Variants in RPS6KA3 observed in about 807,000 individuals in gnomAD.
RPS6KA3 encodes ribosomal protein S6 kinase alpha-3.
RPS6KA3 carries 4 observed loss-of-function variants against 67.2 expected under a neutral mutation model. The observed-to-expected ratio is 0.06, with a 90% CI of 0.03 to 0.14. RPS6KA3 has a LOEUF of 0.14. Ranked by LOEUF, RPS6KA3 falls within the 10% of genes least tolerant of loss-of-function variation. The probability of loss-of-function intolerance (pLI) is 1.00; values close to 1 mark genes in which losing one functional copy is unlikely to be tolerated. For synonymous variants in RPS6KA3, 182 were observed against 183.7 expected, an observed-to-expected ratio of 0.99 and a Z score of 0.07; for missense variants, 204 against 559.0, an observed-to-expected ratio of 0.36 and a Z score of 6.40.
intron 14 of RPS6KA3, among the ~76,000 whole-genome samples, chrX:20,173,453 C>T (rs1259050110): frequency 8.9e-6 from 1 of 111,852 alleles, no homozygotes; most frequent in Non-Finnish European, 1.9e-5. Context: ...GAAGTCATAG[C>T]CTTACACAAC....
chrX:20,247,284 G>C (rs2069716681), intron 1 of RPS6KA3, among the ~76,000 whole-genome samples: 1 of 110,397 alleles, frequency 9.1e-6, no homozygotes, highest in Non-Finnish European at 1.9e-5. Flanking sequence ...AAAATTAGCT[G>C]GGCGTGGTGG....
At chrX:20,205,500 T>C (rs1314617871) in intron 3 of RPS6KA3, among the ~76,000 whole-genome samples, 1 of 112,309 alleles carries the variant, frequency 8.9e-6, no homozygotes, top group Non-Finnish European at 1.9e-5. Flanking sequence ...AGATCCCAAA[T>C]CAAGTGAAGA....
intron 2 of RPS6KA3, among the ~76,000 whole-genome samples, chrX:20,225,800 A>G (rs931060118): frequency 1.8e-5 from 2 of 112,057 alleles, no homozygotes; most frequent in Non-Finnish European, 3.8e-5. Context: ...GTGTGAAGTA[A>G]AAGTTTTTAC....
chrX:20,207,547 T>C (rs1269733232), intron 3 of RPS6KA3, among the ~76,000 whole-genome samples: 1 of 111,348 alleles, frequency 9.0e-6, no homozygotes, highest in Non-Finnish European at 1.9e-5. Context: ...AGAAAATCAA[T>C]TAGGAGAGTA....
intron 2 of RPS6KA3, among the ~76,000 whole-genome samples, chrX:20,219,469 GCTAC>G (rs2068937785): frequency 8.9e-6 from 1 of 111,922 alleles, no homozygotes. Flanking sequence ...AAGGACAAAT[GCTAC>G]CTGTCTTAAA....
chrX:20,177,482 C>G (rs772539958), intron 10 of RPS6KA3, among the ~76,000 whole-genome samples: 23 of 112,600 alleles, frequency 2.0e-4, no homozygotes, highest in Non-Finnish European at 3.4e-4. Flanking sequence ...ATGAATAAAG[C>G]TACAGTGAAC....
intron 1 of RPS6KA3, among the ~76,000 whole-genome samples, chrX:20,262,858 T>C (rs982308056): frequency 4.6e-4 from 51 of 111,768 alleles, no homozygotes; most frequent in Admixed American, 4.7e-4. Flanking sequence ...CTATATAATA[T>C]TGATATAGTA....
chrX:20,253,398 T>A (rs928165406), intron 1 of RPS6KA3, among the ~76,000 whole-genome samples: 11 of 111,168 alleles, frequency 9.9e-5, no homozygotes, highest in Non-Finnish European at 1.9e-4. Context: ...GCAGTTCTAG[T>A]TTGGAGGCTT....
intron 15 of RPS6KA3, among the ~76,000 whole-genome samples, chrX:20,172,380 C>T (rs2067594687): frequency 8.9e-6 from 1 of 111,829 alleles, no homozygotes; most frequent in Admixed American, 9.6e-5. Context: ...AAGGTATGAA[C>T]TTTTTGCCAG....
chrX:20,206,419 T>A (rs747296599), intron 3 of RPS6KA3, among the ~76,000 whole-genome samples: 10 of 112,304 alleles, frequency 8.9e-5, no homozygotes, highest in Non-Finnish European at 1.7e-4. Flanking sequence ...GTTTGAGTGG[T>A]GTGATAATTT....
intron 1 of RPS6KA3, among the ~76,000 whole-genome samples, chrX:20,253,045 A>T (rs1379023319): frequency 9.0e-6 from 1 of 110,781 alleles, no homozygotes; most frequent in East Asian, 2.8e-4. Context: ...CCCTGGCAAG[A>T]GCATAACTTC....
At chrX:20,188,073 T>G in intron 8 of RPS6KA3, 103 bp from the exon 9 acceptor site, 2 of 789,940 alleles carry the variant, frequency 2.5e-6, no homozygotes, top group South Asian at 4.8e-5. Flanking sequence ...TACAAGTTTT[T>G]TTTGTTTGTT....
intron 20 of RPS6KA3, among the ~76,000 whole-genome samples, chrX:20,160,586 C>T (rs1292975024): frequency 9.0e-6 from 1 of 110,542 alleles, no homozygotes; most frequent in Admixed American, 9.7e-5. Context: ...GCTACCACAC[C>T]TGGCTAATTT....
intron 1 of RPS6KA3, among the ~76,000 whole-genome samples, chrX:20,247,774 G>T (rs758293387): frequency 1.0e-5 from 1 of 99,207 alleles, no homozygotes; most frequent in Admixed American, 1.1e-4. Context: ...GCGACAGAGC[G>T]AGACTCCGTC....
chrX:20,198,418 A>C (rs1368393424), intron 4 of RPS6KA3, among the ~76,000 whole-genome samples: 3 of 112,252 alleles, frequency 2.7e-5, no homozygotes, highest in Non-Finnish European at 5.6e-5. Flanking sequence ...GAAAGGCTCT[A>C]AACATGAAAA....
At chrX:20,168,687 T>A (rs2067499636) in intron 16 of RPS6KA3, among the ~76,000 whole-genome samples, 1 of 112,098 alleles carries the variant, frequency 8.9e-6, no homozygotes, top group African/African-American at 3.3e-5. Flanking sequence ...TTCAAGTAAG[T>A]GCAGATATTA....
rs1360864160 is a variant in RPS6KA3, at chrX:20,266,756, A to G, written c.-124T>C. ...CGGCGGCGGCGGCGGCGGCAGCGGC[A>G]GCGGCAGCGGCAGCAGCAGCAGCAG... is the stretch of plus-strand genomic sequence containing the variant. On this transcript the variant is annotated 5_prime_UTR_variant, in exon 1 of 22. Transcript: ENST00000379565. 6 of 321,618 alleles carry G rather than the reference A, an allele frequency of 1.9e-5. No individual in the cohort carries two copies. The highest frequency in any genetic ancestry group is 2.0e-5 in the Non-Finnish European group (5 of 250,704). The allele number at this position is 321,618 out of a possible 1,213,427, so 26.5% of individuals were successfully genotyped here.
At chrX:20,174,660 T>G (rs193226538) in intron 14 of RPS6KA3, among the ~76,000 whole-genome samples, 2 of 110,930 alleles carry the variant, frequency 1.8e-5, no homozygotes, top group African/African-American at 3.3e-5. Context: ...AACTCTACTT[T>G]CAAGTCACAT....
chrX:20,158,365 C>CAAAA (rs1209085517), intron 20 of RPS6KA3, among the ~76,000 whole-genome samples: 4 of 28,684 alleles, frequency 1.4e-4, no homozygotes, highest in Non-Finnish European at 1.8e-4. Flanking sequence ...GACTCTATCT[C>CAAAA]AAAAAAAAAA....
Sources: allele counts gnomAD v4.1 joint callset (sites outside exome capture counted in the v4.1 genomes callset), GRCh38; gene constraint gnomAD v4.1.1; transcripts MANE v1.5; gene names NCBI Gene and HGNC (gene_info 2026-07-23, HGNC 2026-07-21).